The following CREB1 variants were observed in gnomAD, a reference collection of about 807,000 sequenced individuals.
CREB1 encodes the protein cAMP responsive element binding protein 1, also known as cyclic AMP-responsive element-binding protein 1.
A neutral mutation model predicts 42.0 loss-of-function variants in CREB1; 2 were observed. That is an observed-to-expected ratio of 0.05 (90% confidence interval 0.02 to 0.15). The LOEUF is 0.15. CREB1 is among the 10% of genes least tolerant of loss of function. The probability of loss-of-function intolerance (pLI) is 1.00; values close to 1 mark genes in which losing one functional copy is unlikely to be tolerated. For missense variants in CREB1, 199 were observed against 388.9 expected (o/e 0.51, Z 4.11); for synonymous variants, 123 against 139.9 (o/e 0.88, Z 0.85).
rs769918733 is a variant in CREB1 at position 207,570,258 on chromosome 2, G to A, written c.442G>A (p.Ala148Thr). 1.9e-6 allele frequency: 3 copies of A among 1,613,722 alleles called. No homozygotes were observed. The highest frequency in any genetic ancestry group is 3.3e-5 in the Admixed American group (2 of 60,006). ...AGAGAAGTCTGAAGAGGAGACTTCA[G>A]CACCTGCCATCACCACTGTAACGGT... ...EEEKSEEETS[A>T]PAITTVTVPT... Residue 148 changes from alanine (A) to threonine (T), a missense_variant, in exon 5 of 8, where the codon GCA becomes ACA. Transcript: ENST00000353267.
rs2082305341 is a variant in CREB1 at position 207,570,242 on chromosome 2, T to C, written c.426T>C (p.Ser142=). The change falls in exon 5 of 8, where the codon TCT becomes TCC. Residue 142 remains serine (S), a synonymous_variant. Coordinates refer to ENST00000353267, the MANE Select transcript of CREB1 (RefSeq NM_004379.5). ...TGCCAAGGATTGAAGAAGAGAAGTCTGAAGAGGAGACTTCAGCACCTGCCA... is the reference window on the plus strand; with the variant it reads ...TGCCAAGGATTGAAGAAGAGAAGTCCGAAGAGGAGACTTCAGCACCTGCCA... The part of the protein sequence containing the change: ...PGVPRIEEEK[S]EEETSAPAIT... The C allele has an allele frequency of 1.9e-6, 3 of 1,613,912 alleles. No homozygotes were observed. Among genetic ancestry groups the C allele is most frequent in the East Asian group, 2.2e-5 (1 of 44,874 alleles).
At chr2:207,582,935 AC>A (rs1335195343) in intron 7 of CREB1, 1 of 220,790 alleles carries the variant, frequency 4.5e-6, no homozygotes, top group African/African-American at 2.4e-5. Flanking sequence ...ATATATACAT[AC>A]ACACACACAT....
In CREB1 at chr2:207,598,486, TAAAAAA is replaced by T. The variant is rs143222694; in HGVS notation, c.*1439_*1444del. 35 of 169,122 alleles carry T rather than the reference TAAAAAA, an allele frequency of 2.1e-4. No individual in the cohort carries two copies. In the South Asian group the frequency reaches 6.8e-3, roughly 33 times the overall value. The allele number at this position is 169,122 out of a possible 1,614,324, so 10.5% of individuals were successfully genotyped here. A position where few individuals can be genotyped will look rare whatever the true frequency, so the allele number is the denominator to read the frequency against. ...GCTCGATAAATCTAACAGTTACTCT[TAAAAAA>T]AAAAAAAAAAGACTAAGGTGGATTT... On this transcript the variant is annotated 3_prime_UTR_variant, in exon 8 of 8. Coordinates refer to ENST00000353267, the MANE Select transcript of CREB1 (RefSeq NM_004379.5).
chr2:207,539,127 G>A (rs1196585454), intron 1 of CREB1, among the ~76,000 whole-genome samples: 2 of 139,922 alleles, frequency 1.4e-5, no homozygotes, highest in South Asian at 2.3e-4. Context: ...TGCAACCTCC[G>A]CCTCCTGGGT....
rs922123134 is a variant in CREB1 at position 207,530,064 on chromosome 2, G to C, written c.-79G>C. 6.5e-6 allele frequency: 1 copy of C among 153,130 alleles called. No homozygotes were observed. The highest frequency in any genetic ancestry group is 1.5e-5 in the Non-Finnish European group (1 of 68,562). 9.5% of individuals were successfully genotyped at this position (153,130 alleles called of 1,614,324 possible). ...GTAGTTTGACGCGGTGTGTTACGTG[G>C]GGGAGAGAATAAAACTCCAGCGAGA... is the stretch of plus-strand genomic sequence containing the variant. On this transcript the variant is annotated 5_prime_UTR_variant, in exon 1 of 8. Transcript: ENST00000353267.
rs2087241516 is a variant in CREB1, at chr2:207,602,464, G to A, written c.*5406G>A. ...GTCTTTGAAAAGGATCAAAGAGTAG[G>A]AAATTCACATTTGACCTAACATTAC... On this transcript the variant is annotated 3_prime_UTR_variant, in exon 8 of 8. Coordinates refer to ENST00000353267, the MANE Select transcript of CREB1 (RefSeq NM_004379.5). 1 of 202,340 alleles carries A rather than the reference G, an allele frequency of 4.9e-6. No individual in the cohort carries two copies. Among genetic ancestry groups the A allele is most frequent in the Admixed American group, 6.0e-5 (1 of 16,668 alleles). 12.5% of individuals were successfully genotyped at this position (202,340 alleles called of 1,614,324 possible). A position where few individuals can be genotyped will look rare whatever the true frequency, so the allele number is the denominator to read the frequency against.
At position 207,599,621 on chromosome 2, in the gene CREB1, C is replaced by T; in HGVS notation, c.*2563C>T. The T allele has an allele frequency of 5.0e-6, 1 of 200,118 alleles. No homozygotes were observed. 12.4% of individuals were successfully genotyped at this position (200,118 alleles called of 1,614,324 possible). ...TGAGAAATGTATCCTGTTGCTAAATCTGTCTTAGACCCTTGGTGAAACTTG... is the reference window on the plus strand; with the variant it reads ...TGAGAAATGTATCCTGTTGCTAAATTTGTCTTAGACCCTTGGTGAAACTTG... On this transcript the variant is annotated 3_prime_UTR_variant, in exon 8 of 8. Transcript: ENST00000353267.
intron 1 of CREB1, among the ~76,000 whole-genome samples, chr2:207,544,770 G>A (rs1263257562): frequency 6.6e-6 from 1 of 151,906 alleles, no homozygotes; most frequent in Non-Finnish European, 1.5e-5. Context: ...CCACCGATGT[G>A]TCCATGTGTT....
chr2:207,604,504 A>T lies in CREB1; in HGVS notation c.*7446A>T, dbSNP rs2087727591. Among the ~76,000 whole-genome samples the T allele has an allele frequency of 6.6e-6, 1 of 152,238 alleles. No individual in the cohort carries two copies. Among genetic ancestry groups the T allele is most frequent in the South Asian group, 2.1e-4 (1 of 4,832 alleles). On this transcript the variant is annotated 3_prime_UTR_variant, in exon 8 of 8. Coordinates refer to ENST00000353267, the MANE Select transcript of CREB1 (RefSeq NM_004379.5). ...ATTTCTCCACATCTTTCTTAAGTGC[A>T]GTGACCAAACCGGATGAGAATTCTA... is the stretch of plus-strand genomic sequence containing the variant.
At chr2:207,577,147 T>G in intron 6 of CREB1, 1 of 998,948 alleles carries the variant, frequency 1.0e-6, no homozygotes, top group Non-Finnish European at 1.2e-6. Context: ...TTTACCAATA[T>G]CAAAGGAAGA....
At chr2:207,556,814 C>G (rs927900764) in intron 2 of CREB1, among the ~76,000 whole-genome samples, 1 of 152,160 alleles carries the variant, frequency 6.6e-6, no homozygotes, top group Non-Finnish European at 1.5e-5. Flanking sequence ...CTGGGCTCAT[C>G]TGTATATTTT....
intron 5 of CREB1, among the ~76,000 whole-genome samples, chr2:207,570,962 T>C (rs2082331861): frequency 1.3e-5 from 2 of 152,066 alleles, no homozygotes; most frequent in South Asian, 4.1e-4. Flanking sequence ...AAGACACTTT[T>C]GAATTTTATT....
At chr2:207,560,443 A>C in intron 3 of CREB1, 71 bp downstream of exon 3, 1 of 1,459,322 alleles carries the variant, frequency 6.9e-7, no homozygotes, top group Non-Finnish European at 9.4e-7. Flanking sequence ...TCCTTTCACT[A>C]GTTATGAAAA....
At position 207,599,400 on chromosome 2, in the gene CREB1, GT is replaced by G. The variant is rs2086677014; in HGVS notation, c.*2345del. 3 of 204,102 alleles carry G rather than the reference GT, an allele frequency of 1.5e-5. No homozygotes were observed. In the East Asian group the frequency reaches 2.3e-4, roughly 15 times the overall value. 12.6% of individuals were successfully genotyped at this position (204,102 alleles called of 1,614,324 possible). On this transcript the variant is annotated 3_prime_UTR_variant, in exon 8 of 8. Coordinates refer to ENST00000353267, the MANE Select transcript of CREB1 (RefSeq NM_004379.5). ...ATGAAAAATTGCCTGATGTTTAGCA[GT>G]TTGTATTCTCTAAAGCTTTTTTTCA...
intron 7 of CREB1, among the ~76,000 whole-genome samples, chr2:207,585,815 C>A (rs898349530): frequency 3.3e-5 from 5 of 152,034 alleles, no homozygotes; most frequent in African/African-American, 1.2e-4. Flanking sequence ...AGAGAGAGGT[C>A]TTTTAAAATA....
chr2:207,558,713 C>T (rs927306203), intron 2 of CREB1, among the ~76,000 whole-genome samples: 5 of 150,064 alleles, frequency 3.3e-5, no homozygotes, highest in Admixed American at 6.7e-5. Flanking sequence ...GGCGCGATCT[C>T]GGCTCACTGC....
chr2:207,572,373 A>G (rs1000231466), intron 5 of CREB1, among the ~76,000 whole-genome samples: 6 of 152,158 alleles, frequency 3.9e-5, no homozygotes, highest in Non-Finnish European at 8.8e-5. Context: ...TTTCATTAAG[A>G]GCAATATAAT....
intron 3 of CREB1, among the ~76,000 whole-genome samples, chr2:207,566,871 T>C (rs1035873195): frequency 1.7e-4 from 26 of 152,300 alleles, no homozygotes; most frequent in African/African-American, 6.0e-4. Flanking sequence ...CTTCATTACT[T>C]TTCAGTCTAG....
chr2:207,535,364 AAAGGTTTT>A (rs2080824453), intron 1 of CREB1, among the ~76,000 whole-genome samples: 1 of 152,094 alleles, frequency 6.6e-6, no homozygotes, highest in African/African-American at 2.4e-5. Flanking sequence ...TTTTGGCCCA[AAAGGTTTT>A]TATAGCTTTC....
Sources: gnomAD v4.1 joint callset for allele counts (sites outside exome capture counted in the v4.1 genomes callset) on GRCh38, gnomAD v4.1.1 for gene constraint, MANE v1.5 for transcripts, NCBI Gene and HGNC (gene_info 2026-07-23, HGNC 2026-07-21) for gene names.